The following IGSF11 variants were observed in gnomAD, a reference collection of about 807,000 sequenced individuals.
IGSF11 encodes CXADR like 1.
A neutral mutation model predicts 41.0 loss-of-function variants in IGSF11; 22 were observed. The ratio of observed to expected loss-of-function variants is 0.54; its 90% CI spans 0.38 to 0.77. IGSF11 has a LOEUF of 0.77. IGSF11 is among the 30% of genes least tolerant of loss of function. IGSF11 has a pLI of 0.00. For missense variants in IGSF11, 444 were observed against 530.8 expected, an observed-to-expected ratio of 0.84 and a Z score of 1.61; for synonymous variants, 219 against 201.3, an observed-to-expected ratio of 1.09 and a Z score of -0.74.
At chr3:118,951,097 T>A (rs139997041) in intron 1 of IGSF11, among the ~76,000 whole-genome samples, 2 of 152,304 alleles carry the variant, frequency 1.3e-5, no homozygotes, top group Non-Finnish European at 2.9e-5. Context: ...CCCAACATAG[T>A]AGCAGCCACA....
intron 1 of IGSF11, among the ~76,000 whole-genome samples, chr3:118,968,242 G>C (rs1932933675): frequency 6.6e-6 from 1 of 152,140 alleles, no homozygotes; most frequent in Non-Finnish European, 1.5e-5. Context: ...CACGACTAGG[G>C]GAAGGTGCTG....
At chr3:119,043,125 T>C (rs1941186468) in intron 1 of IGSF11, among the ~76,000 whole-genome samples, 1 of 152,158 alleles carries the variant, frequency 6.6e-6, no homozygotes, top group South Asian at 2.1e-4. Context: ...CCCGGGCACT[T>C]AGCTATGCAG....
intron 1 of IGSF11, among the ~76,000 whole-genome samples, chr3:119,007,277 C>G (rs1195142048): frequency 2.2e-5 from 3 of 139,352 alleles, no homozygotes; most frequent in Non-Finnish European, 4.5e-5. Flanking sequence ...AACTCCCTGA[C>G]CCCTTGCGCT....
intron 1 of IGSF11, among the ~76,000 whole-genome samples, chr3:119,123,800 C>T (rs775120369): frequency 3.9e-5 from 6 of 152,224 alleles, no homozygotes; most frequent in Non-Finnish European, 8.8e-5. Context: ...CACAATGTTA[C>T]TGAGCTCAAG....
intron 1 of IGSF11, among the ~76,000 whole-genome samples, chr3:118,957,145 G>A (rs1039998248): frequency 1.3e-5 from 2 of 152,080 alleles, no homozygotes; most frequent in Admixed American, 6.6e-5. Flanking sequence ...GATGAGATGA[G>A]ACTTGTCAAC....
intron 1 of IGSF11, among the ~76,000 whole-genome samples, chr3:119,048,241 A>G (rs1316086425): frequency 1.3e-5 from 2 of 152,178 alleles, no homozygotes; most frequent in Admixed American, 1.3e-4. Context: ...CAAAATTGAT[A>G]GACCGCTAGC....
At chr3:118,924,696 G>T (rs1264515210) in intron 4 of IGSF11, among the ~76,000 whole-genome samples, 1 of 152,012 alleles carries the variant, frequency 6.6e-6, no homozygotes, top group Non-Finnish European at 1.5e-5. Flanking sequence ...TCTTTCTACA[G>T]CTATTTCTCA....
chr3:119,121,026 CAAAT>C (rs201477377), intron 1 of IGSF11, among the ~76,000 whole-genome samples: 2,451 of 152,068 alleles, frequency 0.016, 78 homozygotes, highest in African/African-American at 0.056. Flanking sequence ...CAAACAGACA[CAAAT>C]AAACAACAAG....
At chr3:118,999,487 T>A (rs1936597906) in intron 1 of IGSF11, among the ~76,000 whole-genome samples, 1 of 152,208 alleles carries the variant, frequency 6.6e-6, no homozygotes, top group Non-Finnish European at 1.5e-5. Flanking sequence ...ACCCTTCAGA[T>A]GTTCCATCAA....
intron 1 of IGSF11, among the ~76,000 whole-genome samples, chr3:119,000,063 C>CTTTT (rs1297321950): frequency 2.3e-3 from 228 of 98,504 alleles, no homozygotes; most frequent in East Asian, 4.3e-3. Flanking sequence ...ATTCATTATT[C>CTTTT]TTTTTTTTTT....
chr3:118,952,876 C>T, intron 1 of IGSF11, among the ~76,000 whole-genome samples: 1 of 151,980 alleles, frequency 6.6e-6, no homozygotes, highest in East Asian at 1.9e-4. Context: ...TGTTATTTTT[C>T]CTGAGATCTT....
chr3:119,049,214 G>T (rs867384007), intron 1 of IGSF11, among the ~76,000 whole-genome samples: 141 of 151,654 alleles, frequency 9.3e-4, no homozygotes, highest in African/African-American at 3.3e-3. Flanking sequence ...AATTGTCCCT[G>T]TTTGCAGATG....
At chr3:119,093,113 A>C (rs551443510) in intron 1 of IGSF11, among the ~76,000 whole-genome samples, 73 of 152,374 alleles carry the variant, frequency 4.8e-4, no homozygotes, top group African/African-American at 1.3e-3. Flanking sequence ...AACACACACA[A>C]AAAAATAAAC....
chr3:118,902,448 C>CGG lies in IGSF11; in HGVS notation c.*71_*72insCC. 1 of 433,714 alleles carries CGG rather than the reference C, an allele frequency of 2.3e-6. No homozygotes were observed. Among genetic ancestry groups the CGG allele is most frequent in the Non-Finnish European group, 4.6e-6 (1 of 215,194 alleles). The allele number at this position is 433,714 out of a possible 1,614,324, so 26.9% of individuals were successfully genotyped here. A position where few individuals can be genotyped will look rare whatever the true frequency, so the allele number is the denominator to read the frequency against. ...AAGGAAGTGTTTCTTTCCCAGCACT[C>CGG]CCCACCCCACCCTCCCCCTTGTATG... On this transcript the variant is annotated 3_prime_UTR_variant, in exon 7 of 7. Transcript: ENST00000393775.
chr3:119,088,507 C>A (rs1340327443), intron 1 of IGSF11, among the ~76,000 whole-genome samples: 2 of 151,936 alleles, frequency 1.3e-5, no homozygotes, highest in African/African-American at 4.8e-5. Flanking sequence ...TAACTTTGTG[C>A]CTAAAGGCAC....
intron 1 of IGSF11, among the ~76,000 whole-genome samples, chr3:119,078,179 T>C (rs1239559237): frequency 6.6e-6 from 1 of 152,112 alleles, no homozygotes; most frequent in African/African-American, 2.4e-5. Context: ...AAAATTCATA[T>C]GGAACCAAAA....
intron 1 of IGSF11, among the ~76,000 whole-genome samples, chr3:118,960,229 A>G (rs1945252779): frequency 6.6e-6 from 1 of 152,160 alleles, no homozygotes; most frequent in Non-Finnish European, 1.5e-5. Context: ...AAGAATATAT[A>G]CCAAGAAAAA....
rs1938794984 is a variant in IGSF11, at chr3:118,901,115, T to C, written c.*1405A>G. 1 of 152,466 alleles carries C rather than the reference T, an allele frequency of 6.6e-6. No individual in the cohort carries two copies. The highest frequency in any genetic ancestry group is 2.4e-5 in the African/African-American group (1 of 41,420). The allele number at this position is 152,466 out of a possible 1,614,324, so 9.4% of individuals were successfully genotyped here. On this transcript the variant is annotated 3_prime_UTR_variant, in exon 7 of 7. Transcript: ENST00000393775. The stretch of plus-strand genomic sequence containing the variant: ...TCATAAGTAATCTAGGAAACAAATC[T>C]GAGAAGAAATTTGTGGGTTGCTTAA...
chr3:119,094,039 T>A (rs2076807078), intron 1 of IGSF11, among the ~76,000 whole-genome samples: 1 of 151,446 alleles, frequency 6.6e-6, no homozygotes, highest in Non-Finnish European at 1.5e-5. Flanking sequence ...AGGTGCAGAA[T>A]CTCGGTAAAT....
Sources: gnomAD v4.1 joint callset for allele counts (sites outside exome capture counted in the v4.1 genomes callset) on GRCh38, gnomAD v4.1.1 for gene constraint, MANE v1.5 for transcripts, NCBI Gene and HGNC (gene_info 2026-07-23, HGNC 2026-07-21) for gene names.